The following ATP1A4 variants were observed in gnomAD, a reference collection of about 807,000 sequenced individuals.
The protein encoded by ATP1A4 is ATPase Na+/K+ transporting subunit alpha 4.
A neutral mutation model predicts 114.3 loss-of-function variants in ATP1A4; 90 were observed. That is an observed-to-expected ratio of 0.79 (90% confidence interval 0.66 to 0.94). ATP1A4 has a LOEUF of 0.94. ATP1A4 is among the 40% of genes least tolerant of loss of function. ATP1A4 has a pLI of 0.00. For missense variants in ATP1A4, 1,222 were observed against 1,313.6 expected, an observed-to-expected ratio of 0.93 and a Z score of 1.08; for synonymous variants, 511 against 494.1, an observed-to-expected ratio of 1.03 and a Z score of -0.45.
At chr1:160,171,168 A>G (rs2101642863) in intron 10 of ATP1A4, 83 bp from the exon 11 acceptor site, 1 of 1,278,214 alleles carries the variant, frequency 7.8e-7, no homozygotes, top group Non-Finnish European at 1.1e-6. Context: ...ACATTTTTTT[A>G]CCTTTGAAAC....
At chr1:160,186,442 C>CAG in intron 21 of ATP1A4, 75 bp downstream of exon 21, 1 of 1,231,236 alleles carries the variant, frequency 8.1e-7, no homozygotes, top group Non-Finnish European at 1.2e-6. Flanking sequence ...CCACCTAGTC[C>CAG]CTCCAGACCC....
At chr1:160,167,142 A>T in intron 9 of ATP1A4, 65 bp downstream of exon 9, 3 of 1,579,618 alleles carry the variant, frequency 1.9e-6, no homozygotes, top group South Asian at 2.2e-5. Context: ...CTCCCAAAAA[A>T]TCCTCTCCTG....
chr1:160,164,134 C>T (rs1439509811), intron 6 of ATP1A4, 22 bp from the exon 7 acceptor site: 3 of 1,610,772 alleles, frequency 1.9e-6, no homozygotes, highest in Admixed American at 1.7e-5. Context: ...CATCACATTG[C>T]CCTCTCCTGC....
intron 6 of ATP1A4, 112 bp from the exon 7 acceptor site, chr1:160,164,044 C>T (rs774105939): frequency 1.8e-5 from 25 of 1,358,542 alleles, no homozygotes; most frequent in South Asian, 4.2e-5. Context: ...CCTAGCACCC[C>T]TATCTTTAAG....
chr1:160,183,690 T>C (rs1306986031), intron 20 of ATP1A4, among the ~76,000 whole-genome samples: 1 of 152,242 alleles, frequency 6.6e-6, no homozygotes, highest in African/African-American at 2.4e-5. Context: ...CCACTATCCA[T>C]ATACAACTAT....
rs747988527 is a variant in ATP1A4, at chr1:160,181,743, C to A, written c.2796C>A (p.Ile932=). The A allele has an allele frequency of 3.5e-5, 56 of 1,613,906 alleles. No individual in the cohort carries two copies. The highest frequency in any genetic ancestry group is 1.7e-5 in the Admixed American group (1 of 59,980). The change falls in exon 19 of 22, where the codon ATC becomes ATA. Residue 932 remains isoleucine, a synonymous_variant. Coordinates refer to ENST00000368081, the MANE Select transcript of ATP1A4 (RefSeq NM_144699.4). ...GCCAAACGGCCTTTTTTGTCACCAT[C>A]GTGGTTGTGCAGTGGGCGGATCTCA... The part of the protein sequence containing the change: ...FTCQTAFFVT[I]VVVQWADLII...
intron 18 of ATP1A4, among the ~76,000 whole-genome samples, 161 bp from the exon 19 acceptor site, chr1:160,181,523 C>T (rs1030100610): frequency 6.7e-6 from 1 of 150,320 alleles, no homozygotes. Context: ...CCATTGCACT[C>T]CAGCCTAGGC....
chr1:160,182,375 A>G (rs907066599), intron 20 of ATP1A4, among the ~76,000 whole-genome samples: 1 of 152,228 alleles, frequency 6.6e-6, no homozygotes, highest in Non-Finnish European at 1.5e-5. Context: ...AGCCTAATCT[A>G]TGCTTAGCTA....
At position 160,164,253 on chromosome 1, in the gene ATP1A4, C is replaced by A. The variant is rs1338908224; in HGVS notation, c.876C>A (p.Ile292=). 1.2e-6 allele frequency: 2 copies of A among 1,614,198 alleles called. No individual in the cohort carries two copies. The highest frequency in any genetic ancestry group is 1.7e-6 in the Non-Finnish European group (2 of 1,180,026). ...GCCTGGCGGTTGGCCAGACACCTAT[C>A]GCTGCTGAGATCGAACACTTCATCC... ...TSGLAVGQTP[I]AAEIEHFIHL... Residue 292 remains isoleucine (I), a synonymous_variant, in exon 7 of 22, where the codon ATC becomes ATA. Transcript: ENST00000368081.
chr1:160,157,360 C>T (rs1652708130), intron 4 of ATP1A4, among the ~76,000 whole-genome samples: 1 of 152,074 alleles, frequency 6.6e-6, no homozygotes, highest in Non-Finnish European at 1.5e-5. Flanking sequence ...TCAAGTAGGC[C>T]TTGGTGTCTG....
chr1:160,160,366 A>G (rs1652827088), intron 6 of ATP1A4, among the ~76,000 whole-genome samples: 1 of 151,902 alleles, frequency 6.6e-6, no homozygotes, highest in African/African-American at 2.4e-5. Context: ...ACAGGTGCCC[A>G]CCACCACGCC....
At position 160,181,820 on chromosome 1, in the gene ATP1A4, C is replaced by T. The variant is rs766331369; in HGVS notation, c.2867+6C>T. On this transcript the variant is annotated splice_donor_region_variant and intron_variant, in intron 19 of 21. Transcript: ENST00000368081. Reference sequence around the variant, plus strand: ...CTTTTCCAGCAGGGCATGAGGTGAACATCTCACAAAACAGCCCAGCACTCT... The same window carrying T: ...CTTTTCCAGCAGGGCATGAGGTGAATATCTCACAAAACAGCCCAGCACTCT... 1 of 1,571,454 alleles carries T rather than the reference C, an allele frequency of 6.4e-7. No homozygotes were observed. Among genetic ancestry groups the T allele is most frequent in the African/African-American group, 1.6e-5 (1 of 62,832 alleles).
Position 160,152,121 on chromosome 1 carries a change from GAA to G in ATP1A4, c.87_88del (p.Lys29AsnfsTer22). The G allele has an allele frequency of 1.2e-6, 2 of 1,613,540 alleles. No homozygotes were observed. Among genetic ancestry groups the G allele is most frequent in the Non-Finnish European group, 1.7e-6 (2 of 1,179,788 alleles). On this transcript the variant is annotated frameshift_variant, in exon 1 of 22. Transcript: ENST00000368081. LOFTEE classifies it high-confidence loss of function. ...RRRPKKGLIK[K>X]KMVKREKQKR... ...GAAGACCTAAAAAAGGGCTTATCAA[GAA>G]AAAAATGGTGAAGAGGGAAAAACAG...
At chr1:160,171,880 G>T in intron 12 of ATP1A4, 123 bp downstream of exon 12, 6 of 1,011,948 alleles carry the variant, frequency 5.9e-6, no homozygotes, top group South Asian at 1.9e-5. Context: ...TGTTTCCTTG[G>T]GCTTATGATT....
intron 5 of ATP1A4, 109 bp downstream of exon 5, chr1:160,159,245 GT>G: frequency 6.8e-7 from 1 of 1,472,166 alleles, no homozygotes; most frequent in Non-Finnish European, 9.2e-7. Flanking sequence ...ATCTTGAGAA[GT>G]TACAAGTGCA....
At chr1:160,182,104 C>T in intron 20 of ATP1A4, 73 bp downstream of exon 20, 1 of 1,288,836 alleles carries the variant, frequency 7.8e-7, no homozygotes, top group Admixed American at 1.7e-5. Context: ...GTGTGTTTCA[C>T]TAGGATTGTC....
intron 6 of ATP1A4, among the ~76,000 whole-genome samples, chr1:160,162,910 T>C (rs1652910652): frequency 5.9e-5 from 9 of 152,190 alleles, no homozygotes; most frequent in Admixed American, 5.9e-4. Flanking sequence ...TTCTTGACAG[T>C]GAAGGAAATT....
chr1:160,176,711 C>T, intron 17 of ATP1A4, 109 bp downstream of exon 17: 1 of 1,435,990 alleles, frequency 7.0e-7, no homozygotes, highest in Non-Finnish European at 9.4e-7. Flanking sequence ...CAGCAACAAA[C>T]TGTGCTAGGC....
intron 3 of ATP1A4, 78 bp downstream of exon 3, chr1:160,155,326 T>G: frequency 6.1e-6 from 7 of 1,150,056 alleles, no homozygotes; most frequent in Non-Finnish European, 8.8e-6. Flanking sequence ...AGCCTAGCAC[T>G]CCTGAAGTCC....
Sources: gnomAD v4.1 joint callset for allele counts (sites outside exome capture counted in the v4.1 genomes callset) on GRCh38, gnomAD v4.1.1 for gene constraint, MANE v1.5 for transcripts, NCBI Gene and HGNC (gene_info 2026-07-23, HGNC 2026-07-21) for gene names.